Variants in KCNIP4 observed in about 807,000 individuals in gnomAD.
KCNIP4 encodes the protein potassium voltage-gated channel interacting protein 4.
Under a neutral mutation model 34.0 loss-of-function variants are expected in KCNIP4, and 12 were observed. That is an observed-to-expected ratio of 0.35 (90% confidence interval 0.23 to 0.57). KCNIP4 has a LOEUF of 0.57. KCNIP4 is among the 20% of genes least tolerant of loss of function. KCNIP4 has a pLI of 0.83. For synonymous variants in KCNIP4, 124 were observed against 102.2 expected (o/e 1.21, Z -1.29); for missense variants, 238 against 311.7 (o/e 0.76, Z 1.78).
intron 1 of KCNIP4, among the ~76,000 whole-genome samples, chr4:21,686,005 C>T (rs947403494): frequency 6.6e-6 from 1 of 152,196 alleles, no homozygotes; most frequent in Non-Finnish European, 1.5e-5. Context: ...ATAGAACTGG[C>T]TTCCTAGTTC....
intron 1 of KCNIP4, among the ~76,000 whole-genome samples, chr4:21,188,459 G>A (rs1755398991): frequency 6.6e-6 from 1 of 152,144 alleles, no homozygotes; most frequent in Admixed American, 6.6e-5. Flanking sequence ...AAATGCTAAA[G>A]GTGGTAATAA....
intron 1 of KCNIP4, among the ~76,000 whole-genome samples, chr4:21,728,903 CT>C (rs1160410801): frequency 6.6e-6 from 1 of 152,106 alleles, no homozygotes; most frequent in Non-Finnish European, 1.5e-5. Context: ...ACACTGGATT[CT>C]TCTCTTTCCC....
chr4:21,269,724 C>T (rs1432003345), intron 1 of KCNIP4, among the ~76,000 whole-genome samples: 2 of 152,098 alleles, frequency 1.3e-5, no homozygotes, highest in Non-Finnish European at 2.9e-5. Flanking sequence ...TGGGTGAATA[C>T]TGCCACATCT....
intron 1 of KCNIP4, among the ~76,000 whole-genome samples, chr4:21,259,377 C>T (rs1237986016): frequency 1.3e-5 from 2 of 152,150 alleles, no homozygotes; most frequent in East Asian, 1.9e-4. Flanking sequence ...GACATAAATA[C>T]ATCTGGTTAG....
At chr4:20,887,802 T>G (rs1020348795) in intron 1 of KCNIP4, among the ~76,000 whole-genome samples, 1 of 152,250 alleles carries the variant, frequency 6.6e-6, no homozygotes, top group African/African-American at 2.4e-5. Flanking sequence ...CAGGTAGAAA[T>G]AGAGAGCACA....
At chr4:21,556,429 C>A (rs966314737) in intron 1 of KCNIP4, among the ~76,000 whole-genome samples, 2 of 152,116 alleles carry the variant, frequency 1.3e-5, no homozygotes, top group Admixed American at 1.3e-4. Flanking sequence ...ATGCTTCTAT[C>A]TTCTTGGTTT....
At chr4:21,438,682 T>A (rs1422058529) in intron 1 of KCNIP4, among the ~76,000 whole-genome samples, 1 of 152,202 alleles carries the variant, frequency 6.6e-6, no homozygotes, top group Non-Finnish European at 1.5e-5. Context: ...TGTGGACTTG[T>A]AAATAAAATT....
chr4:21,437,729 T>C, intron 1 of KCNIP4, among the ~76,000 whole-genome samples: 1 of 152,212 alleles, frequency 6.6e-6, no homozygotes, highest in South Asian at 2.1e-4. Flanking sequence ...CTAAGCCAGA[T>C]GGTAAAGAAA....
chr4:21,609,496 T>C (rs1198197638), intron 1 of KCNIP4, among the ~76,000 whole-genome samples: 1 of 152,186 alleles, frequency 6.6e-6, no homozygotes, highest in East Asian at 1.9e-4. Context: ...CTATTTTTAA[T>C]CAAAGATCTG....
chr4:20,868,097 C>A (rs775401089), intron 2 of KCNIP4, among the ~76,000 whole-genome samples: 5 of 151,878 alleles, frequency 3.3e-5, no homozygotes, highest in Non-Finnish European at 7.4e-5. Context: ...AATGATGTAT[C>A]CAACAAAGGC....
At chr4:21,201,970 T>C (rs1043601660) in intron 1 of KCNIP4, among the ~76,000 whole-genome samples, 5 of 152,204 alleles carry the variant, frequency 3.3e-5, no homozygotes, top group African/African-American at 4.8e-5. Flanking sequence ...TTAAACTTCA[T>C]TTTAGAAACA....
chr4:21,413,037 A>C (rs1030771536), intron 1 of KCNIP4, among the ~76,000 whole-genome samples: 15 of 152,212 alleles, frequency 9.9e-5, no homozygotes, highest in African/African-American at 3.6e-4. Context: ...AGGACTGGCA[A>C]GTAGCCCATA....
At chr4:20,881,909 CT>C (rs1449465157) in intron 2 of KCNIP4, among the ~76,000 whole-genome samples, 2 of 152,182 alleles carry the variant, frequency 1.3e-5, no homozygotes, top group Non-Finnish European at 2.9e-5. Context: ...ACATCAAATC[CT>C]TCCTGAACTT....
intron 1 of KCNIP4, among the ~76,000 whole-genome samples, chr4:21,175,143 A>G (rs1302172618): frequency 1.3e-5 from 2 of 152,088 alleles, no homozygotes; most frequent in Non-Finnish European, 2.9e-5. Context: ...TTACTTAAAA[A>G]AAAAAACTCT....
chr4:21,735,348 CA>C (rs1715913781), intron 1 of KCNIP4, among the ~76,000 whole-genome samples: 1 of 152,082 alleles, frequency 6.6e-6, no homozygotes, highest in Non-Finnish European at 1.5e-5. Flanking sequence ...AGTTATAATT[CA>C]ATAAATTAAA....
intron 1 of KCNIP4, among the ~76,000 whole-genome samples, chr4:21,013,521 A>G (rs1028140414): frequency 6.6e-6 from 1 of 152,154 alleles, no homozygotes; most frequent in African/African-American, 2.4e-5. Context: ...GAAGCCTTGA[A>G]AATGCCACCA....
intron 1 of KCNIP4, among the ~76,000 whole-genome samples, chr4:21,751,813 G>A (rs1717168966): frequency 6.6e-6 from 1 of 152,140 alleles, no homozygotes; most frequent in South Asian, 2.1e-4. Flanking sequence ...AAGGCTTAGG[G>A]AGGATGAGTA....
intron 1 of KCNIP4, among the ~76,000 whole-genome samples, chr4:21,615,559 A>C (rs1010090404): frequency 9.2e-6 from 1 of 108,626 alleles, no homozygotes; most frequent in Admixed American, 1.0e-4. Context: ...AAAACAAAAA[A>C]CAAAACAAAA....
At chr4:21,183,314 A>G (rs1754980496) in intron 1 of KCNIP4, among the ~76,000 whole-genome samples, 1 of 152,132 alleles carries the variant, frequency 6.6e-6, no homozygotes, top group Non-Finnish European at 1.5e-5. Flanking sequence ...ATGAGTGTGC[A>G]GGTATCTCTC....
Sources: gnomAD v4.1 joint callset for allele counts (sites outside exome capture counted in the v4.1 genomes callset) on GRCh38, gnomAD v4.1.1 for gene constraint, MANE v1.5 for transcripts, NCBI Gene and HGNC (gene_info 2026-07-23, HGNC 2026-07-21) for gene names.